The following TEAD1 variants were observed in gnomAD, a reference collection of about 807,000 sequenced individuals.
TEAD1 encodes transcriptional enhancer factor TEF-1.
A neutral mutation model predicts 54.9 loss-of-function variants in TEAD1; 9 were observed. That is an observed-to-expected ratio of 0.16 (90% CI 0.10 to 0.29). The LOEUF is 0.29. TEAD1 is among the 10% of genes least tolerant of loss of function. The pLI is 1.00. For synonymous variants in TEAD1, 200 were observed against 187.8 expected, an observed-to-expected ratio of 1.07 and a Z score of -0.53; for missense variants, 387 against 535.9, an observed-to-expected ratio of 0.72 and a Z score of 2.74.
intron 9 of TEAD1, among the ~76,000 whole-genome samples, chr11:12,886,163 G>T (rs1353086550): frequency 6.6e-6 from 1 of 152,216 alleles, no homozygotes; most frequent in Admixed American, 6.5e-5. Flanking sequence ...TGAAGTGTAT[G>T]TGGCAGTATA....
intron 3 of TEAD1, among the ~76,000 whole-genome samples, chr11:12,822,024 C>T (rs1329824642): frequency 5.7e-5 from 7 of 123,206 alleles, no homozygotes; most frequent in African/African-American, 1.6e-4. Context: ...AGTGCAGTGG[C>T]GCGATCTCCG....
At chr11:12,863,098 A>C (rs1947540421) in intron 4 of TEAD1, among the ~76,000 whole-genome samples, 2 of 152,234 alleles carry the variant, frequency 1.3e-5, no homozygotes, top group South Asian at 4.1e-4. Context: ...ATGTCGATTT[A>C]TGCTGAATGA....
intron 3 of TEAD1, among the ~76,000 whole-genome samples, chr11:12,765,703 G>A (rs1261189979): frequency 2.6e-5 from 4 of 152,136 alleles, no homozygotes; most frequent in African/African-American, 9.7e-5. Flanking sequence ...CAGCATTGGA[G>A]TCTCTCAGCC....
At chr11:12,760,932 G>T (rs1484862425) in intron 2 of TEAD1, among the ~76,000 whole-genome samples, 1 of 152,116 alleles carries the variant, frequency 6.6e-6, no homozygotes, top group Non-Finnish European at 1.5e-5. Context: ...CTTATGATGG[G>T]GTTGTAAAAC....
chr11:12,728,487 C>T (rs554875805), intron 2 of TEAD1, among the ~76,000 whole-genome samples: 2 of 152,174 alleles, frequency 1.3e-5, no homozygotes, highest in East Asian at 1.9e-4. Context: ...AGAGACAATT[C>T]GGCAGCACTG....
intron 3 of TEAD1, among the ~76,000 whole-genome samples, chr11:12,821,231 G>A (rs1946538779): frequency 6.6e-6 from 1 of 152,182 alleles, no homozygotes; most frequent in South Asian, 2.1e-4. Flanking sequence ...TCCTTTAGTA[G>A]CACCTGATTC....
At chr11:12,869,193 G>A (rs916634693) in intron 5 of TEAD1, among the ~76,000 whole-genome samples, 1 of 152,144 alleles carries the variant, frequency 6.6e-6, no homozygotes, top group Non-Finnish European at 1.5e-5. Flanking sequence ...TTTACCCTCT[G>A]GAAAGACCTC....
intron 9 of TEAD1, among the ~76,000 whole-genome samples, chr11:12,894,170 T>A (rs1238739412): frequency 1.3e-5 from 2 of 152,226 alleles, no homozygotes; most frequent in African/African-American, 4.8e-5. Context: ...TTTCTTGGTA[T>A]TATTTGACAG....
chr11:12,779,107 G>A (rs749463338), intron 3 of TEAD1, among the ~76,000 whole-genome samples: 3 of 152,132 alleles, frequency 2.0e-5, no homozygotes, highest in Non-Finnish European at 1.5e-5. Flanking sequence ...CTAAGTGGTA[G>A]GGGTGTGTGT....
chr11:12,699,625 T>G (rs916230489), intron 2 of TEAD1, among the ~76,000 whole-genome samples: 4 of 152,218 alleles, frequency 2.6e-5, no homozygotes, highest in African/African-American at 9.6e-5. Flanking sequence ...ATAAAACTAG[T>G]GTATCTGATT....
chr11:12,928,597 C>T (rs148890506), intron 11 of TEAD1, among the ~76,000 whole-genome samples: 2 of 148,974 alleles, frequency 1.3e-5, no homozygotes, highest in Non-Finnish European at 2.9e-5. Flanking sequence ...ACCTGTTTGC[C>T]AAATTTCAGT....
chr11:12,705,936 A>T (rs190969387), intron 2 of TEAD1, among the ~76,000 whole-genome samples: 1 of 152,176 alleles, frequency 6.6e-6, no homozygotes, highest in Non-Finnish European at 1.5e-5. Flanking sequence ...AAACCTTTCA[A>T]ATATAGTGTG....
chr11:12,793,694 A>G (rs1479781908), intron 3 of TEAD1, among the ~76,000 whole-genome samples: 1 of 152,216 alleles, frequency 6.6e-6, no homozygotes, highest in Admixed American at 6.5e-5. Flanking sequence ...AAGTAAGGAC[A>G]TTGTTAGGAA....
chr11:12,830,515 C>G (rs1431907605), intron 3 of TEAD1, among the ~76,000 whole-genome samples: 1 of 151,976 alleles, frequency 6.6e-6, no homozygotes, highest in African/African-American at 2.4e-5. Context: ...TGCCCAGGCT[C>G]TCAGGACCTC....
At chr11:12,792,184 AGT>A (rs1385960919) in intron 3 of TEAD1, among the ~76,000 whole-genome samples, 1 of 152,118 alleles carries the variant, frequency 6.6e-6, no homozygotes, top group Non-Finnish European at 1.5e-5. Context: ...AAAATGAGTA[AGT>A]GTTTTTAAGG....
intron 3 of TEAD1, among the ~76,000 whole-genome samples, chr11:12,809,974 CTTTTTTTTTTTTTTTT>C (rs55647097): frequency 3.5e-5 from 4 of 115,646 alleles, no homozygotes; most frequent in African/African-American, 7.4e-5. Context: ...TTTCCCCATT[CTTTTTTTTTTTTTTTT>C]TTTTTTTTGA....
chr11:12,913,317 T>G (rs573082292), intron 10 of TEAD1, among the ~76,000 whole-genome samples: 1 of 152,170 alleles, frequency 6.6e-6, no homozygotes, highest in Non-Finnish European at 1.5e-5. Flanking sequence ...ATGAATAGTT[T>G]GAGCAGTTGA....
intron 9 of TEAD1, among the ~76,000 whole-genome samples, chr11:12,901,504 C>T (rs1023716395): frequency 6.6e-6 from 1 of 152,158 alleles, no homozygotes; most frequent in African/African-American, 2.4e-5. Flanking sequence ...ACCACTGTAT[C>T]TACGCTGTCC....
rs1486471969 is a variant in TEAD1, at chr11:12,942,987, G to T, written c.*5765G>T. The T allele has an allele frequency of 6.6e-6, 1 of 152,154 alleles. No homozygotes were observed. Among genetic ancestry groups the T allele is most frequent in the Non-Finnish European group, 1.5e-5 (1 of 68,018 alleles). The allele number at this position is 152,154 out of a possible 1,614,324, so 9.4% of individuals were successfully genotyped here. On this transcript the variant is annotated 3_prime_UTR_variant, in exon 13 of 13. Transcript: ENST00000527636. ...AAGAAGGCCAAACACCAGCCAAAAA[G>T]AAACTAGGAAAAAAAGATTTTCTTT... is the stretch of plus-strand genomic sequence containing the variant.
Sources: gnomAD v4.1 joint callset for allele counts (sites outside exome capture counted in the v4.1 genomes callset) on GRCh38, gnomAD v4.1.1 for gene constraint, MANE v1.5 for transcripts, NCBI Gene and HGNC (gene_info 2026-07-23, HGNC 2026-07-21) for gene names.